Variants in PUDP observed in about 807,000 individuals in gnomAD.
PUDP encodes pseudouridine-5'-phosphatase.
In PUDP, 8 loss-of-function variants were observed where a neutral mutation model predicts 9.4. The observed-to-expected ratio is 0.85, with a 90% CI of 0.50 to 1.53. The LOEUF (loss-of-function observed/expected upper bound fraction) is 1.53. Ranked by LOEUF, PUDP falls within the 40% of genes most tolerant of loss-of-function variation. The pLI is 0.00. For synonymous variants in PUDP, 99 were observed against 80.7 expected (o/e 1.23, Z -1.22); for missense variants, 188 against 189.7 (o/e 0.99, Z 0.05).
chrX:7,036,470 A>AT (rs1929853913), intron 1 of PUDP, among the ~76,000 whole-genome samples: 1 of 111,637 alleles, frequency 9.0e-6, no homozygotes, highest in African/African-American at 3.3e-5. Context: ...TGTTCCATTC[A>AT]TTTTTTAACC....
At chrX:7,063,312 A>T (rs1470086775) in intron 3 of PUDP, among the ~76,000 whole-genome samples, 1 of 112,043 alleles carries the variant, frequency 8.9e-6, no homozygotes, top group African/African-American at 3.2e-5. Context: ...ATTTATCAGG[A>T]GTCATACTTA....
At chrX:7,025,897 TA>T (rs1929701876) in intron 1 of PUDP, among the ~76,000 whole-genome samples, 1 of 112,082 alleles carries the variant, frequency 8.9e-6, no homozygotes, top group Non-Finnish European at 1.9e-5. Context: ...GGGTTTTGTT[TA>T]ATTGTTTTGC....
rs1371175264 is a variant in PUDP, at chrX:6,796,970, A to C, written c.*248-90504T>G. Among the ~76,000 whole-genome samples the C allele has an allele frequency of 4.5e-5, 5 of 112,355 alleles. No individual in the cohort carries two copies. In the East Asian group the frequency reaches 1.4e-3, roughly 31 times the overall value. On this transcript the variant is annotated intron_variant and NMD_transcript_variant, in intron 3 of 3. Transcript: ENST00000655425. Reference sequence around the variant, plus strand: ...TGGTATAATTTCTGATGCGTCTGACAGAAACAATTTGAAGTCTACTGGTTT... The same window carrying C: ...TGGTATAATTTCTGATGCGTCTGACCGAAACAATTTGAAGTCTACTGGTTT...
At chrX:6,765,088 G>A (rs1191827101) in intron 3 of PUDP, among the ~76,000 whole-genome samples, 1 of 104,749 alleles carries the variant, frequency 9.5e-6, no homozygotes, top group Non-Finnish European at 1.9e-5. Flanking sequence ...GCAACGTGGT[G>A]AAACTGCACC....
At chrX:6,783,537 G>A (rs1487658436) in intron 3 of PUDP, among the ~76,000 whole-genome samples, 1 of 111,728 alleles carries the variant, frequency 9.0e-6, no homozygotes, top group East Asian at 2.8e-4. Flanking sequence ...ACTGGATTTC[G>A]TGAGTCCCGG....
intron 1 of PUDP, among the ~76,000 whole-genome samples, chrX:7,142,862 A>C (rs1445237222): frequency 9.1e-6 from 1 of 109,650 alleles, no homozygotes; most frequent in Non-Finnish European, 1.9e-5. Flanking sequence ...TGTTGGCCAG[A>C]CTGGTCTCGA....
intron 1 of PUDP, among the ~76,000 whole-genome samples, chrX:7,019,445 G>A (rs190569417): frequency 0.012 from 1,394 of 112,047 alleles, 71 homozygotes; most frequent in Admixed American, 0.12. Flanking sequence ...GGCGATTTGC[G>A]TCTGCAGATA....
chrX:6,784,903 C>T (rs1198252929), intron 3 of PUDP, among the ~76,000 whole-genome samples: 3 of 111,810 alleles, frequency 2.7e-5, no homozygotes, highest in Non-Finnish European at 5.6e-5. Flanking sequence ...TTGCATACAC[C>T]ATAATGCACA....
At chrX:7,121,409 C>T (rs1191419201) in intron 1 of PUDP, among the ~76,000 whole-genome samples, 1 of 111,741 alleles carries the variant, frequency 8.9e-6, no homozygotes, top group African/African-American at 3.3e-5. Flanking sequence ...GTCCCCAGTG[C>T]CATCCTTTCT....
chrX:6,728,944 G>C (rs1924776304), intron 3 of PUDP, among the ~76,000 whole-genome samples: 1 of 111,105 alleles, frequency 9.0e-6, no homozygotes, highest in African/African-American at 3.3e-5. Context: ...TGATGGTTCT[G>C]AGAAGAACTG....
intron 3 of PUDP, among the ~76,000 whole-genome samples, chrX:6,909,133 C>A (rs1212765754): frequency 1.8e-4 from 20 of 111,997 alleles, no homozygotes; most frequent in African/African-American, 6.2e-4. Flanking sequence ...TTATAAAAAT[C>A]AGTATTTAAT....
chrX:6,806,436 T>C (rs1019370120), intron 3 of PUDP, among the ~76,000 whole-genome samples: 1 of 111,782 alleles, frequency 8.9e-6, no homozygotes, highest in Non-Finnish European at 1.9e-5. Context: ...AACTGATCCT[T>C]CCACCTCAGC....
chrX:6,884,165 C>A (rs1028109262), intron 3 of PUDP, among the ~76,000 whole-genome samples: 2 of 112,039 alleles, frequency 1.8e-5, no homozygotes, highest in African/African-American at 3.2e-5. Flanking sequence ...ATTTCCATTT[C>A]ACACTTTCCT....
chrX:7,129,570 T>C (rs1359232700), intron 1 of PUDP, among the ~76,000 whole-genome samples: 2 of 112,182 alleles, frequency 1.8e-5, no homozygotes, highest in African/African-American at 6.5e-5. Flanking sequence ...CTTTGAGCCC[T>C]GAGCATTCTC....
chrX:7,106,324 G>A (rs1931881237), intron 1 of PUDP, among the ~76,000 whole-genome samples: 2 of 111,924 alleles, frequency 1.8e-5, no homozygotes, highest in African/African-American at 6.5e-5. Context: ...GAAGCTCCCA[G>A]GTAAGAACAG....
chrX:7,050,369 G>T lies in PUDP; in HGVS notation c.614C>A (p.Thr205Lys). The T allele has an allele frequency of 8.3e-7, 1 of 1,211,529 alleles. No homozygotes were observed. Among genetic ancestry groups the T allele is most frequent in the Non-Finnish European group, 1.1e-6 (1 of 895,227 alleles). Residue 205 changes from threonine to lysine, a missense_variant, in exon 4 of 4, where the codon ACA becomes AAA. Physicochemically the swap from Thr to Lys is moderately conservative, Grantham distance 78 (BLOSUM62 -1). Transcript: ENST00000381077. ...GGAATTCAGCACCAGGGTGGCCTTT[G>T]TTGTCAGATCTCGGCTCAAGTTTCC... ...PDGNLSRDLT[T>K]KATLVLNSLQ...
chrX:7,115,843 G>A (rs1447122679), intron 1 of PUDP, among the ~76,000 whole-genome samples: 6 of 112,473 alleles, frequency 5.3e-5, no homozygotes, highest in Non-Finnish European at 1.1e-4. Context: ...GCTGGCCTAA[G>A]CCTGCAGTGA....
intron 3 of PUDP, among the ~76,000 whole-genome samples, chrX:6,753,760 T>C (rs1925136037): frequency 8.9e-6 from 1 of 112,364 alleles, no homozygotes; most frequent in Admixed American, 9.4e-5. Flanking sequence ...TTGTCAGCCA[T>C]TTGTATATCT....
intron 2 of PUDP, among the ~76,000 whole-genome samples, chrX:7,083,669 G>A (rs1931176796): frequency 9.0e-6 from 1 of 110,709 alleles, no homozygotes; most frequent in Admixed American, 9.6e-5. Context: ...GGGAGGCCGA[G>A]GTGGGCGGAT....
Sources: gnomAD v4.1 joint callset for allele counts (sites outside exome capture counted in the v4.1 genomes callset) on GRCh38, gnomAD v4.1.1 for gene constraint, MANE v1.5 for transcripts, NCBI Gene and HGNC (gene_info 2026-07-23, HGNC 2026-07-21) for gene names.